SUMF1: variants seen among roughly 807,000 people sequenced by gnomAD.
SUMF1 encodes the protein sulfatase modifying factor 1, also known as formylglycine-generating enzyme.
SUMF1 carries 48 observed loss-of-function variants against 47.6 expected under a neutral mutation model. The ratio of observed to expected loss-of-function variants is 1.01; its 90% CI spans 0.80 to 1.28. The LOEUF is 1.28. Among genes scored for constraint, SUMF1 ranks in the 50% most tolerant of loss-of-function variants. The probability of loss-of-function intolerance (pLI) is 0.00; values close to 1 mark genes in which losing one functional copy is unlikely to be tolerated. For missense variants in SUMF1, 571 were observed against 485.4 expected (o/e 1.18, Z -1.66); for synonymous variants, 230 against 192.1 (o/e 1.20, Z -1.63).
intron 8 of SUMF1, among the ~76,000 whole-genome samples, chr3:4,136,128 T>C (rs1051253101): frequency 6.6e-5 from 10 of 152,088 alleles, no homozygotes; most frequent in Admixed American, 1.3e-4. Context: ...AAAACTACTT[T>C]AAAGTTCATA....
intron 8 of SUMF1, chr3:4,316,637 C>T: frequency 3.9e-6 from 6 of 1,551,250 alleles, no homozygotes; most frequent in Non-Finnish European, 5.2e-6. Flanking sequence ...TTATTCTACG[C>T]AACCACAACG....
intron 8 of SUMF1, among the ~76,000 whole-genome samples, chr3:4,340,838 T>G (rs1403727870): frequency 6.6e-6 from 1 of 152,242 alleles, no homozygotes; most frequent in Non-Finnish European, 1.5e-5. Context: ...TTGTAGAATA[T>G]GAGGGCCTCA....
chr3:4,210,872 T>A (rs1184411473), intron 8 of SUMF1, among the ~76,000 whole-genome samples: 1 of 151,584 alleles, frequency 6.6e-6, no homozygotes, highest in Non-Finnish European at 1.5e-5. Context: ...CACCACCTAA[T>A]CAGCTGCCAA....
At chr3:4,293,032 T>C (rs1298172194) in intron 8 of SUMF1, among the ~76,000 whole-genome samples, 12 of 152,180 alleles carry the variant, frequency 7.9e-5, no homozygotes, top group African/African-American at 2.9e-4. Flanking sequence ...TTGAAAATAC[T>C]TGACTTTTTT....
rs575027904 is a variant in SUMF1, at chr3:4,411,777, C to T, written c.841-799G>A. Among the ~76,000 whole-genome samples, 33 of 147,482 alleles carry T rather than the reference C, an allele frequency of 2.2e-4. 1 individual carries two copies. The highest frequency in any genetic ancestry group is 8.2e-4 in the African/African-American group (33 of 40,084). On this transcript the variant is annotated intron_variant, in intron 6 of 8. Transcript: ENST00000272902. ...TAGTTTTGCTGGCTTAATGGCTTAA[C>T]ATTTTTCCCAACATTTTAAAATGGA...
chr3:4,170,710 G>A (rs868590287), intron 8 of SUMF1, among the ~76,000 whole-genome samples: 3 of 152,064 alleles, frequency 2.0e-5, no homozygotes, highest in Non-Finnish European at 4.4e-5. Flanking sequence ...TTGACAAGGT[G>A]AAAAGATAAT....
At chr3:4,360,208 T>TC (rs1408625299), downstream of SUMF1, among the ~76,000 whole-genome samples, 11 of 148,422 alleles carry the variant, frequency 7.4e-5, no homozygotes, top group African/African-American at 2.5e-4. Flanking sequence ...GTTTGTTCTT[T>TC]TTTTTTTTTT....
intron 9 of SUMF1, among the ~76,000 whole-genome samples, chr3:4,053,088 G>T (rs1290818847): frequency 6.6e-6 from 1 of 152,108 alleles, no homozygotes; most frequent in African/African-American, 2.4e-5. Flanking sequence ...TTGATTTAAA[G>T]TGAGACACAC....
chr3:4,151,298 G>T (rs1422746993), intron 8 of SUMF1, among the ~76,000 whole-genome samples: 1 of 148,822 alleles, frequency 6.7e-6, no homozygotes, highest in African/African-American at 2.5e-5. Context: ...ATGGAGTGCT[G>T]CTGCTAGTCT....
intron 8 of SUMF1, among the ~76,000 whole-genome samples, chr3:4,163,221 T>C (rs1250988314): frequency 1.3e-5 from 2 of 151,652 alleles, no homozygotes; most frequent in East Asian, 2.0e-4. Context: ...CTTTGCCTAT[T>C]GAAGAGAAGA....
chr3:4,266,060 G>C (rs1472090718), intron 8 of SUMF1, among the ~76,000 whole-genome samples: 1 of 152,120 alleles, frequency 6.6e-6, no homozygotes, highest in African/African-American at 2.4e-5. Flanking sequence ...CGTTATTTCT[G>C]AGGGCTCTGT....
intron 3 of SUMF1, among the ~76,000 whole-genome samples, chr3:4,445,567 A>T: frequency 6.6e-6 from 1 of 151,320 alleles, no homozygotes; most frequent in African/African-American, 2.4e-5. Context: ...CTGGTCTTGA[A>T]CTCCTGGCCT....
At chr3:4,150,018 A>G (rs1694281830) in intron 8 of SUMF1, among the ~76,000 whole-genome samples, 1 of 152,188 alleles carries the variant, frequency 6.6e-6, no homozygotes, top group Non-Finnish European at 1.5e-5. Flanking sequence ...TATGAAAAAC[A>G]AAGTTTAGTG....
At chr3:4,375,028 T>G (rs1700281111) in intron 8 of SUMF1, among the ~76,000 whole-genome samples, 1 of 149,582 alleles carries the variant, frequency 6.7e-6, no homozygotes, top group Non-Finnish European at 1.5e-5. Flanking sequence ...CCAAGTTACT[T>G]AGGAGGCTGA....
At chr3:4,059,466 A>G (rs1357476270) in intron 9 of SUMF1, among the ~76,000 whole-genome samples, 4 of 152,184 alleles carry the variant, frequency 2.6e-5, no homozygotes, top group African/African-American at 7.2e-5. Flanking sequence ...GCTCTGTGAT[A>G]ACCAAGAAGA....
At chr3:4,275,392 A>C (rs1218790755) in intron 8 of SUMF1, among the ~76,000 whole-genome samples, 1 of 152,146 alleles carries the variant, frequency 6.6e-6, no homozygotes, top group East Asian at 1.9e-4. Flanking sequence ...GATGGCAGTA[A>C]AATGGACTAC....
intron 9 of SUMF1, among the ~76,000 whole-genome samples, chr3:4,067,069 C>T (rs565742263): frequency 3.3e-5 from 5 of 152,252 alleles, no homozygotes; most frequent in Admixed American, 1.3e-4. Flanking sequence ...TGCAGTGACC[C>T]CTTTTCTATA....
chr3:4,208,157 A>G (rs1311266511), intron 8 of SUMF1, among the ~76,000 whole-genome samples: 2 of 152,082 alleles, frequency 1.3e-5, no homozygotes, highest in African/African-American at 4.8e-5. Context: ...ACCAGAGCCT[A>G]CTTCAGAAAA....
intron 8 of SUMF1, among the ~76,000 whole-genome samples, chr3:4,371,417 A>C (rs1174104113): frequency 1.3e-5 from 2 of 152,232 alleles, no homozygotes; most frequent in Non-Finnish European, 2.9e-5. Context: ...TTCAAAGTAA[A>C]GGGGAGCAGC....
Sources: allele counts gnomAD v4.1 joint callset (sites outside exome capture counted in the v4.1 genomes callset), GRCh38; gene constraint gnomAD v4.1.1; transcripts MANE v1.5; gene names NCBI Gene and HGNC (gene_info 2026-07-23, HGNC 2026-07-21).